The following SRPK2 variants were observed in gnomAD, a reference collection of about 807,000 sequenced individuals.
The protein encoded by SRPK2 is SRSF protein kinase 2.
Under a neutral mutation model 90.8 loss-of-function variants are expected in SRPK2, and 21 were observed. The ratio of observed to expected loss-of-function variants is 0.23; its 90% confidence interval spans 0.16 to 0.33. The LOEUF (loss-of-function observed/expected upper bound fraction) is 0.33. SRPK2 is among the 10% of genes least tolerant of loss of function. The pLI, the probability that SRPK2 is intolerant of heterozygous loss-of-function variation, is 1.00. For synonymous variants in SRPK2, 288 were observed against 311.1 expected (o/e 0.93, Z 0.78); for missense variants, 620 against 869.0 (o/e 0.71, Z 3.60).
chr7:105,256,231 T>A (rs1035816259), intron 2 of SRPK2, among the ~76,000 whole-genome samples: 4 of 152,224 alleles, frequency 2.6e-5, no homozygotes, highest in African/African-American at 9.6e-5. Context: ...AGAATCAATG[T>A]GCTATAGCAC....
intron 2 of SRPK2, among the ~76,000 whole-genome samples, chr7:105,305,507 G>T (rs1442552225): frequency 2.0e-5 from 3 of 152,188 alleles, no homozygotes; most frequent in Non-Finnish European, 4.4e-5. Context: ...AAATTGTAGA[G>T]AAATAACTTT....
At chr7:105,380,521 ATTTTT>A (rs35323315) in intron 2 of SRPK2, among the ~76,000 whole-genome samples, 2 of 107,294 alleles carry the variant, frequency 1.9e-5, no homozygotes, top group African/African-American at 3.2e-5. Context: ...ACATGCTAAA[ATTTTT>A]TTTTTTTTTT....
At chr7:105,345,437 A>G (rs1816345485) in intron 2 of SRPK2, among the ~76,000 whole-genome samples, 1 of 152,208 alleles carries the variant, frequency 6.6e-6, no homozygotes, top group Non-Finnish European at 1.5e-5. Flanking sequence ...GAGATACCCT[A>G]AAGTCATTCT....
At chr7:105,126,793 C>A (rs1801277161) in intron 14 of SRPK2, among the ~76,000 whole-genome samples, 200 bp downstream of exon 14, 1 of 152,190 alleles carries the variant, frequency 6.6e-6, no homozygotes, top group African/African-American at 2.4e-5. Context: ...TGAGGGCTCG[C>A]TGGAGTGCTG....
chr7:105,163,963 A>G (rs1808116009), intron 6 of SRPK2, among the ~76,000 whole-genome samples: 1 of 152,238 alleles, frequency 6.6e-6, no homozygotes, highest in East Asian at 1.9e-4. Flanking sequence ...TGCCAAAACC[A>G]TTGTTCCCAG....
At chr7:105,348,932 G>C (rs2132022987) in intron 2 of SRPK2, among the ~76,000 whole-genome samples, 1 of 151,814 alleles carries the variant, frequency 6.6e-6, no homozygotes, top group Admixed American at 6.6e-5. Flanking sequence ...GATCACCTGA[G>C]GTTAGGGGTT....
chr7:105,142,948 T>G (rs1804011310), intron 10 of SRPK2, 136 bp downstream of exon 10: 1 of 1,169,586 alleles, frequency 8.6e-7, no homozygotes, highest in Admixed American at 2.5e-5. Context: ...TTCCCATATT[T>G]CCCAATAGGG....
intron 2 of SRPK2, chr7:105,269,122 C>A (rs1401536426): frequency 9.1e-7 from 1 of 1,101,908 alleles, no homozygotes; most frequent in Non-Finnish European, 1.1e-6. Context: ...GGGGTGTTTT[C>A]TTTTTTAAGG....
At chr7:105,160,307 T>C (rs1357427126) in intron 7 of SRPK2, 200 bp downstream of exon 7, 1 of 377,208 alleles carries the variant, frequency 2.7e-6, no homozygotes, top group Non-Finnish European at 4.8e-6. Flanking sequence ...TGTTGTTCCC[T>C]TCACAACACA....
In SRPK2 at chr7:105,366,605, G is replaced by A. The variant is rs192317084; in HGVS notation, c.71+22043C>T. On this transcript the variant is annotated intron_variant, in intron 2 of 15. Transcript: ENST00000393651. ...AGGCTGATCTCAAACTCCTGACCTC[G>A]TGATCCGCCCGCCTCAGCCTCCCAA... Among the ~76,000 whole-genome samples, 87 of 152,062 alleles carry A rather than the reference G, an allele frequency of 5.7e-4. No homozygotes were observed. The East Asian group carries it at 0.012, about 21-fold the overall frequency.
intron 2 of SRPK2, among the ~76,000 whole-genome samples, chr7:105,339,089 T>G (rs1011410535): frequency 6.6e-6 from 1 of 152,224 alleles, no homozygotes; most frequent in Non-Finnish European, 1.5e-5. Flanking sequence ...TTTTACAAAG[T>G]TTTGAAAGGA....
chr7:105,305,081 T>C (rs556647586), intron 2 of SRPK2, among the ~76,000 whole-genome samples: 3 of 152,354 alleles, frequency 2.0e-5, no homozygotes, highest in Admixed American at 6.5e-5. Context: ...CATATTTTCA[T>C]AGGTTTCCAT....
rs371516322 is a variant in SRPK2, at chr7:105,168,044, C to T, written c.390G>A (p.Thr130=). ...MKVVKSAQHY[T]ETALDEIKLL... ...ATTTTATTTCATCCAAGGCTGTCTC[C>T]GTATAATGCTGGGCACTTTTTACAA... The change falls in exon 5 of 16, where the codon ACG becomes ACA. Residue 130 remains threonine, a synonymous_variant. Coordinates refer to ENST00000393651, the MANE Select transcript of SRPK2 (RefSeq NM_182692.3). 18 of 1,612,372 alleles carry T rather than the reference C, an allele frequency of 1.1e-5. No homozygotes were observed. Among genetic ancestry groups the T allele is most frequent in the South Asian group, 4.4e-5 (4 of 90,668 alleles).
intron 2 of SRPK2, among the ~76,000 whole-genome samples, chr7:105,216,164 T>C (rs185330226): frequency 6.6e-6 from 1 of 152,136 alleles, no homozygotes; most frequent in Admixed American, 6.5e-5. Context: ...AAATGGGTAA[T>C]TACATGGTGT....
At chr7:105,190,551 A>G (rs1794150960) in intron 3 of SRPK2, among the ~76,000 whole-genome samples, 1 of 152,112 alleles carries the variant, frequency 6.6e-6, no homozygotes, top group Non-Finnish European at 1.5e-5. Flanking sequence ...TCAAATCTAT[A>G]ATATCTGTGT....
intron 3 of SRPK2, among the ~76,000 whole-genome samples, chr7:105,193,902 C>T (rs1001281358): frequency 4.6e-5 from 7 of 152,128 alleles, no homozygotes; most frequent in African/African-American, 1.4e-4. Flanking sequence ...TTTATGTGTA[C>T]GATTCCCTGC....
intron 15 of SRPK2, among the ~76,000 whole-genome samples, chr7:105,122,349 C>T (rs868080154): frequency 1.8e-4 from 27 of 152,068 alleles, no homozygotes; most frequent in African/African-American, 6.0e-4. Context: ...TCAAGAGAAA[C>T]GGAAACATCT....
intron 2 of SRPK2, among the ~76,000 whole-genome samples, chr7:105,209,082 A>G (rs1363107241): frequency 6.6e-6 from 1 of 152,246 alleles, no homozygotes; most frequent in Non-Finnish European, 1.5e-5. Flanking sequence ...CTATGTAGAG[A>G]TTTAAGCAAT....
At chr7:105,337,266 A>G (rs969795629) in intron 2 of SRPK2, among the ~76,000 whole-genome samples, 2 of 151,844 alleles carry the variant, frequency 1.3e-5, no homozygotes, top group Non-Finnish European at 2.9e-5. Context: ...GGCCTTTGGC[A>G]GGTAATTAGG....
Sources: gnomAD v4.1 joint callset for allele counts (sites outside exome capture counted in the v4.1 genomes callset) on GRCh38, gnomAD v4.1.1 for gene constraint, MANE v1.5 for transcripts, NCBI Gene and HGNC (gene_info 2026-07-23, HGNC 2026-07-21) for gene names.